The following PHACTR1 variants were observed in gnomAD, a reference collection of about 807,000 sequenced individuals.
The protein encoded by PHACTR1 is RPEL repeat containing 1.
In PHACTR1, 16 loss-of-function variants were observed where a neutral mutation model predicts 69.2. The ratio of observed to expected loss-of-function variants is 0.23; its 90% CI spans 0.16 to 0.35. The LOEUF (loss-of-function observed/expected upper bound fraction) is 0.35, where lower values mean the gene tolerates loss of function less well. Ranked by LOEUF, PHACTR1 falls within the 10% of genes least tolerant of loss-of-function variation. The probability of loss-of-function intolerance (pLI) is 1.00; values close to 1 mark genes in which losing one functional copy is unlikely to be tolerated. For synonymous variants in PHACTR1, 312 were observed against 284.5 expected, an observed-to-expected ratio of 1.10 and a Z score of -0.97; for missense variants, 510 against 734.7, an observed-to-expected ratio of 0.69 and a Z score of 3.54.
intron 7 of PHACTR1, among the ~76,000 whole-genome samples, chr6:13,184,354 G>A (rs758184515): frequency 2.0e-5 from 3 of 152,180 alleles, no homozygotes; most frequent in Non-Finnish European, 2.9e-5. Context: ...TCAGCAAAGG[G>A]CAAGCAGGCC....
chr6:12,756,133 T>C (rs1038968399), intron 4 of PHACTR1, among the ~76,000 whole-genome samples: 6 of 152,054 alleles, frequency 3.9e-5, no homozygotes, highest in Non-Finnish European at 8.8e-5. Context: ...TTTTGACATA[T>C]GCAACTTGAA....
At chr6:12,753,964 A>ATT (rs1240205147) in intron 4 of PHACTR1, among the ~76,000 whole-genome samples, 1 of 37,446 alleles carries the variant, frequency 2.7e-5, no homozygotes, top group Non-Finnish European at 5.8e-5. Flanking sequence ...ATATATATAT[A>ATT]TATATATTTT....
chr6:13,123,887 G>T (rs1819116590), intron 5 of PHACTR1, among the ~76,000 whole-genome samples: 1 of 152,176 alleles, frequency 6.6e-6, no homozygotes, highest in South Asian at 2.1e-4. Flanking sequence ...GGGGACACAG[G>T]CAGTCCTGAG....
chr6:12,968,258 G>T (rs1039005738), intron 4 of PHACTR1, among the ~76,000 whole-genome samples: 9 of 152,170 alleles, frequency 5.9e-5, no homozygotes, highest in African/African-American at 2.2e-4. Flanking sequence ...CATTGTAGCC[G>T]TTAAAAGCCT....
At chr6:13,244,526 C>CG (rs1439688875) in intron 10 of PHACTR1, among the ~76,000 whole-genome samples, 7 of 152,132 alleles carry the variant, frequency 4.6e-5, no homozygotes, top group Admixed American at 2.6e-4. Flanking sequence ...AGGTACGCCC[C>CG]GGGGGGCCAG....
rs1199230937 is a variant in PHACTR1 at position 12,786,208 on chromosome 6, G to T, written c.250+36418G>T. ...GTTCAATTATAAAGGAATGTAATTGGGTTTCTCATGCTACTCATGAACTGA... is the reference window on the plus strand; with the variant it reads ...GTTCAATTATAAAGGAATGTAATTGTGTTTCTCATGCTACTCATGAACTGA... On this transcript the variant is annotated intron_variant, in intron 4 of 14. Transcript: ENST00000332995. Among the ~76,000 whole-genome samples, 3 of 152,094 alleles carry T rather than the reference G, an allele frequency of 2.0e-5. No individual in the cohort carries two copies. In the East Asian group the frequency reaches 5.8e-4, roughly 29 times the overall value.
In PHACTR1 at chr6:12,803,704, T is replaced by A. The variant is rs1581824064; in HGVS notation, c.250+53914T>A. Among the ~76,000 whole-genome samples, 5 of 152,344 alleles carry A rather than the reference T, an allele frequency of 3.3e-5. No homozygotes were observed. The South Asian group carries it at 1.0e-3, about 32-fold the overall frequency. On this transcript the variant is annotated intron_variant, in intron 4 of 14. Coordinates refer to ENST00000332995, the MANE Select transcript of PHACTR1 (RefSeq NM_030948.6). The stretch of plus-strand genomic sequence containing the variant: ...TTTCTCAACTTTGGCACTATTGACA[T>A]TTTGGGCGGGATAATTATTTGGTGA...
At chr6:13,167,726 C>A (rs1760017890) in intron 6 of PHACTR1, among the ~76,000 whole-genome samples, 1 of 152,174 alleles carries the variant, frequency 6.6e-6, no homozygotes, top group African/African-American at 2.4e-5. Context: ...TAATAAAGTA[C>A]ATTGAGGTAT....
chr6:12,808,525 T>C (rs528046905), intron 4 of PHACTR1, among the ~76,000 whole-genome samples: 1 of 152,224 alleles, frequency 6.6e-6, no homozygotes, highest in Non-Finnish European at 1.5e-5. Context: ...TGTATGAAAA[T>C]AGTGGTAAAA....
chr6:12,951,830 C>T (rs1484242994), intron 4 of PHACTR1, among the ~76,000 whole-genome samples: 1 of 152,314 alleles, frequency 6.6e-6, no homozygotes, highest in African/African-American at 2.4e-5. Context: ...GGTGAAAATA[C>T]GTATTTATTA....
intron 4 of PHACTR1, among the ~76,000 whole-genome samples, chr6:12,956,225 G>C (rs556411099): frequency 1.3e-5 from 2 of 152,218 alleles, no homozygotes; most frequent in African/African-American, 2.4e-5. Context: ...GGAGAAGATT[G>C]GGAGCCGAGA....
At chr6:12,806,122 A>T (rs74835780) in intron 4 of PHACTR1, among the ~76,000 whole-genome samples, 1,818 of 152,112 alleles carry the variant, frequency 0.012, 20 homozygotes, top group Non-Finnish European at 0.02. Context: ...AATCCTCTCC[A>T]GTCTCAAGGC....
chr6:12,859,574 G>A (rs1780736548), intron 4 of PHACTR1, among the ~76,000 whole-genome samples: 1 of 152,188 alleles, frequency 6.6e-6, no homozygotes, highest in African/African-American at 2.4e-5. Context: ...GAGGCAATGA[G>A]AAAAGGTAGC....
chr6:13,286,523 G>A (rs1781726740), intron 14 of PHACTR1, among the ~76,000 whole-genome samples: 2 of 152,202 alleles, frequency 1.3e-5, no homozygotes, highest in African/African-American at 4.8e-5. Context: ...TTAGGTCAAG[G>A]AGAAAAGATT....
In PHACTR1 at chr6:12,724,493, T is replaced by C. The variant is rs1454962139; in HGVS notation, c.103+5646T>C. On this transcript the variant is annotated intron_variant, in intron 3 of 14. Coordinates refer to ENST00000332995, the MANE Select transcript of PHACTR1 (RefSeq NM_030948.6). ...CGAAGACTGATGAGGTGAAGTATCT[T>C]GAAAGGGCTGTACATTTAGACAACA... is the stretch of plus-strand genomic sequence containing the variant. 4.6e-5 allele frequency among the ~76,000 whole-genome samples: 7 copies of C among 152,292 alleles called. No homozygotes were observed. In the East Asian group the frequency reaches 1.3e-3, roughly 29 times the overall value.
chr6:13,063,611 A>AG (rs1554118667), intron 5 of PHACTR1, among the ~76,000 whole-genome samples: 1 of 84,788 alleles, frequency 1.2e-5, no homozygotes, highest in African/African-American at 3.8e-5. Context: ...CCATTACCAC[A>AG]AAAAAAAAAA....
intron 4 of PHACTR1, among the ~76,000 whole-genome samples, chr6:12,872,962 C>T (rs1184694961): frequency 6.6e-6 from 1 of 151,742 alleles, no homozygotes; most frequent in African/African-American, 2.4e-5. Flanking sequence ...CTCCTTCCTT[C>T]CTTCCTTGCT....
intron 13 of PHACTR1, among the ~76,000 whole-genome samples, chr6:13,285,146 C>A (rs2127496537): frequency 6.6e-6 from 1 of 152,342 alleles, no homozygotes; most frequent in South Asian, 2.1e-4. Context: ...ACAGACATCT[C>A]TACTTGCACC....
At chr6:12,984,632 G>A (rs564150644) in intron 4 of PHACTR1, among the ~76,000 whole-genome samples, 2 of 152,286 alleles carry the variant, frequency 1.3e-5, no homozygotes, top group Admixed American at 1.3e-4. Flanking sequence ...CACCACTTTC[G>A]ATTTTGTCAT....
Sources: allele counts gnomAD v4.1 joint callset (sites outside exome capture counted in the v4.1 genomes callset), GRCh38; gene constraint gnomAD v4.1.1; transcripts MANE v1.5; gene names NCBI Gene and HGNC (gene_info 2026-07-23, HGNC 2026-07-21).